QTMAN: variants seen among roughly 807,000 people sequenced by gnomAD.
QTMAN encodes the protein queuosine-tRNA mannosyltransferase, also known as tRNA-queuosine alpha-mannosyltransferase.
the QTMAN span, among the ~76,000 whole-genome samples, chr2:144,309,744 A>C: frequency 6.6e-6 from 1 of 152,254 alleles, no homozygotes; most frequent in South Asian, 2.1e-4. Context: ...ACATTTTACT[A>C]TATGCAAATT....
chr2:144,182,817 A>ATATTATAT, the QTMAN span, among the ~76,000 whole-genome samples: 2 of 62,350 alleles, frequency 3.2e-5, no homozygotes, highest in African/African-American at 1.9e-4. Flanking sequence ...TAATATATAT[A>ATATTATAT]TTATATATAT....
the QTMAN span, among the ~76,000 whole-genome samples, chr2:144,253,993 G>A: frequency 2.4e-4 from 36 of 152,320 alleles, no homozygotes; most frequent in African/African-American, 5.1e-4. Flanking sequence ...AAGAATTGGC[G>A]GCCTGTGTCC....
the QTMAN span, among the ~76,000 whole-genome samples, chr2:144,109,325 G>C: frequency 6.6e-6 from 1 of 152,146 alleles, no homozygotes. Context: ...ATGGTGCTGG[G>C]AAAACTGGCT....
the QTMAN span, among the ~76,000 whole-genome samples, chr2:143,965,429 T>C: frequency 1.3e-5 from 2 of 152,306 alleles, no homozygotes; most frequent in African/African-American, 2.4e-5. Context: ...CTGAAGTTGA[T>C]AGGGCAGGTG....
chr2:144,289,273 C>T, the QTMAN span, among the ~76,000 whole-genome samples: 16 of 152,072 alleles, frequency 1.1e-4, no homozygotes, highest in Admixed American at 2.6e-4. Context: ...GTGATCCGCC[C>T]GCCTCGGCCT....
chr2:144,031,974 G>A, the QTMAN span, among the ~76,000 whole-genome samples: 1 of 152,094 alleles, frequency 6.6e-6, no homozygotes. Flanking sequence ...TAGTGGCGAC[G>A]GGGTTTCATC....
chr2:143,976,622 T>C, the QTMAN span, among the ~76,000 whole-genome samples: 1 of 152,234 alleles, frequency 6.6e-6, no homozygotes, highest in African/African-American at 2.4e-5. Context: ...CCTCCACGCC[T>C]GCAGCTTCTA....
the QTMAN span, among the ~76,000 whole-genome samples, chr2:144,062,762 T>C: frequency 1.3e-5 from 2 of 152,330 alleles, no homozygotes; most frequent in South Asian, 4.1e-4. Context: ...CGTTTTGAGA[T>C]AGGTAGAGAT....
chr2:144,070,000 T>A, the QTMAN span, among the ~76,000 whole-genome samples: 2 of 152,106 alleles, frequency 1.3e-5, no homozygotes, highest in African/African-American at 4.8e-5. Flanking sequence ...TGAAGGCAGA[T>A]AATTTAATAA....
the QTMAN span, among the ~76,000 whole-genome samples, chr2:144,101,154 C>T: frequency 2.3e-4 from 35 of 152,238 alleles, no homozygotes; most frequent in Admixed American, 1.1e-3. Flanking sequence ...AGGCTTGAGC[C>T]ACCGTGCCCG....
chr2:143,982,316 T>C, the QTMAN span, among the ~76,000 whole-genome samples: 2 of 151,804 alleles, frequency 1.3e-5, no homozygotes, highest in African/African-American at 2.4e-5. Flanking sequence ...CTACAACCTC[T>C]GCCTCCCAGG....
the QTMAN span, among the ~76,000 whole-genome samples, chr2:144,330,308 T>C: frequency 6.6e-6 from 1 of 152,214 alleles, no homozygotes; most frequent in Non-Finnish European, 1.5e-5. Context: ...CCAGGACTAA[T>C]AAGCTATATA....
chr2:144,100,907 T>C, the QTMAN span, among the ~76,000 whole-genome samples: 1 of 141,634 alleles, frequency 7.1e-6, no homozygotes, highest in Non-Finnish European at 1.5e-5. Flanking sequence ...TCCTGCTCTG[T>C]CGCCCAGGCT....
the QTMAN span, among the ~76,000 whole-genome samples, chr2:144,202,604 A>C: frequency 6.6e-6 from 1 of 152,194 alleles, no homozygotes; most frequent in East Asian, 1.9e-4. Context: ...CATATTTTGC[A>C]TCCATTTGGG....
At chr2:144,325,737 A>T in the QTMAN span, among the ~76,000 whole-genome samples, 1 of 152,198 alleles carries the variant, frequency 6.6e-6, no homozygotes, top group Non-Finnish European at 1.5e-5. Flanking sequence ...ACACATATAC[A>T]CACACTCCAC....
At chr2:144,012,586 T>C in the QTMAN span, among the ~76,000 whole-genome samples, 2 of 152,314 alleles carry the variant, frequency 1.3e-5, no homozygotes, top group South Asian at 2.1e-4. Context: ...TAGAATATCA[T>C]GGCTGAAACA....
chr2:144,058,265 T>A, the QTMAN span, among the ~76,000 whole-genome samples: 2 of 152,094 alleles, frequency 1.3e-5, no homozygotes, highest in African/African-American at 4.8e-5. Context: ...TCCACAAGGC[T>A]TGATCCTTTT....
the QTMAN span, among the ~76,000 whole-genome samples, chr2:144,126,114 G>A: frequency 1.3e-5 from 2 of 151,914 alleles, no homozygotes; most frequent in Admixed American, 6.6e-5. Flanking sequence ...TAGATTGCCT[G>A]AGGACACTTG....
chr2:144,176,097 G>T, the QTMAN span, among the ~76,000 whole-genome samples: 1 of 152,102 alleles, frequency 6.6e-6, no homozygotes. Flanking sequence ...ATAATTAGAT[G>T]CCAAAATCTT....
Sources: allele counts gnomAD v4.1 joint callset (sites outside exome capture counted in the v4.1 genomes callset), GRCh38; gene constraint gnomAD v4.1.1; transcripts MANE v1.5; gene names NCBI Gene and HGNC (gene_info 2026-07-23, HGNC 2026-07-21).